The following SYT6 variants were observed in gnomAD, a reference collection of about 807,000 sequenced individuals.
SYT6 encodes synaptotagmin-6.
Under a neutral mutation model 38.4 loss-of-function variants are expected in SYT6, and 24 were observed. That is an observed-to-expected ratio of 0.62 (90% CI 0.45 to 0.88). SYT6 has a LOEUF of 0.88. SYT6 is among the 40% of genes least tolerant of loss of function. SYT6 has a pLI of 0.00. For missense variants in SYT6, 611 were observed against 621.0 expected (o/e 0.98, Z 0.17); for synonymous variants, 265 against 241.9 (o/e 1.10, Z -0.89).
chr1:114,117,895 C>T (rs958847146), intron 3 of SYT6, among the ~76,000 whole-genome samples: 2 of 152,170 alleles, frequency 1.3e-5, no homozygotes, highest in African/African-American at 4.8e-5. Flanking sequence ...TAGGGTGAAC[C>T]GTGAAGCCCA....
chr1:114,131,855 G>A (rs191697681), intron 3 of SYT6, among the ~76,000 whole-genome samples: 220 of 152,312 alleles, frequency 1.4e-3, no homozygotes, highest in African/African-American at 4.7e-3. Flanking sequence ...GAAATGACCA[G>A]ATTTTGAGAT....
Position 114,099,160 on chromosome 1 carries a change from A to G in SYT6, c.1298T>C (p.Ile433Thr). The change falls in exon 5 of 8, where the codon ATC becomes ACC. Residue 433 changes from isoleucine (I) to threonine (T), a missense_variant. Coordinates refer to ENST00000610222, the MANE Select transcript of SYT6 (RefSeq NM_001253772.2). ...TLNPVYNEAI[I>T]FDIPPENMDQ... ...CATGTTTTCCGGGGGAATGTCAAAG[A>G]TGATGGCCTCATTGTAGACAGGATT... 1.2e-6 allele frequency: 2 copies of G among 1,614,190 alleles called. No individual in the cohort carries two copies. Among genetic ancestry groups the G allele is most frequent in the South Asian group, 2.2e-5 (2 of 91,068 alleles).
intron 3 of SYT6, among the ~76,000 whole-genome samples, chr1:114,126,122 C>CA (rs1287111220): frequency 6.7e-6 from 1 of 150,204 alleles, no homozygotes; most frequent in African/African-American, 2.5e-5. Flanking sequence ...GGCTGGGTCT[C>CA]ATGAGACCTG....
chr1:114,103,199 C>G (rs541075733), intron 4 of SYT6, among the ~76,000 whole-genome samples: 14 of 146,598 alleles, frequency 9.5e-5, no homozygotes, highest in Non-Finnish European at 1.9e-4. Context: ...ACGACATAAC[C>G]CTGGGGCCTC....
intron 3 of SYT6, among the ~76,000 whole-genome samples, chr1:114,121,963 G>A (rs1250096577): frequency 2.0e-5 from 3 of 152,216 alleles, no homozygotes; most frequent in Non-Finnish European, 2.9e-5. Flanking sequence ...GGGGGAAAGC[G>A]AGAGGTGAAG....
intron 3 of SYT6, among the ~76,000 whole-genome samples, chr1:114,120,427 G>A (rs892599141): frequency 2.6e-5 from 4 of 152,166 alleles, no homozygotes; most frequent in Admixed American, 6.5e-5. Flanking sequence ...AGGGCAGGGC[G>A]TGCACATTGT....
At chr1:114,116,842 C>T (rs1677027667) in intron 3 of SYT6, among the ~76,000 whole-genome samples, 1 of 152,206 alleles carries the variant, frequency 6.6e-6, no homozygotes, top group African/African-American at 2.4e-5. Flanking sequence ...GCCTTCCCTC[C>T]TAGTTCCCAC....
intron 4 of SYT6, among the ~76,000 whole-genome samples, chr1:114,102,902 T>C (rs1676052073): frequency 6.6e-6 from 1 of 152,196 alleles, no homozygotes; most frequent in Non-Finnish European, 1.5e-5. Flanking sequence ...CTTCCACAAC[T>C]TGCAGAATTG....
At chr1:114,112,636 A>G (rs1676753825) in intron 3 of SYT6, among the ~76,000 whole-genome samples, 1 of 152,250 alleles carries the variant, frequency 6.6e-6, no homozygotes, top group Admixed American at 6.5e-5. Flanking sequence ...TGGTCAAGCC[A>G]GGAAGTCTGT....
At chr1:114,100,812 G>C (rs1166517049) in intron 4 of SYT6, among the ~76,000 whole-genome samples, 1 of 152,170 alleles carries the variant, frequency 6.6e-6, no homozygotes, top group African/African-American at 2.4e-5. Flanking sequence ...CCCAATACCT[G>C]TCTTTAACAC....
intron 3 of SYT6, among the ~76,000 whole-genome samples, chr1:114,135,824 A>T (rs1678446489): frequency 6.6e-6 from 1 of 152,204 alleles, no homozygotes; most frequent in Non-Finnish European, 1.5e-5. Context: ...CCTGGGTGGC[A>T]ACCTCACTGT....
chr1:114,121,771 A>G (rs1677414843), intron 3 of SYT6, among the ~76,000 whole-genome samples: 1 of 152,200 alleles, frequency 6.6e-6, no homozygotes, highest in African/African-American at 2.4e-5. Flanking sequence ...ATATCTTCCT[A>G]TATTGAGGTT....
intron 1 of SYT6, among the ~76,000 whole-genome samples, chr1:114,146,661 T>C (rs1679172279): frequency 1.3e-5 from 2 of 152,186 alleles, no homozygotes; most frequent in South Asian, 4.1e-4. Context: ...AGCCCAGCAC[T>C]GAAAAAGAGA....
intron 3 of SYT6, among the ~76,000 whole-genome samples, chr1:114,120,658 T>C (rs1429281439): frequency 6.6e-6 from 1 of 152,246 alleles, no homozygotes; most frequent in Non-Finnish European, 1.5e-5. Flanking sequence ...CTTAATTTTC[T>C]CTATCTACAG....
At chr1:114,145,276 T>C (rs1460003908) in intron 1 of SYT6, among the ~76,000 whole-genome samples, 2 of 152,258 alleles carry the variant, frequency 1.3e-5, no homozygotes, top group Non-Finnish European at 2.9e-5. Context: ...CAAAGAGCTT[T>C]ATATCTATTC....
intron 4 of SYT6, among the ~76,000 whole-genome samples, chr1:114,099,911 C>T (rs12240251): frequency 0.014 from 2,138 of 152,180 alleles, 71 homozygotes; most frequent in African/African-American, 0.049. Context: ...TCTCTGCTTC[C>T]CTGGAAGCCA....
chr1:114,124,740 C>A (rs1212593157), intron 3 of SYT6, among the ~76,000 whole-genome samples: 1 of 152,150 alleles, frequency 6.6e-6, no homozygotes, highest in Non-Finnish European at 1.5e-5. Context: ...TCTCCCCAAC[C>A]CAGGAAGAGG....
intron 1 of SYT6, among the ~76,000 whole-genome samples, chr1:114,150,529 A>G (rs1679391253): frequency 6.6e-6 from 1 of 152,226 alleles, no homozygotes; most frequent in Non-Finnish European, 1.5e-5. Context: ...CCCGGCTGCC[A>G]GCCTAAGAAA....
intron 3 of SYT6, among the ~76,000 whole-genome samples, chr1:114,128,275 C>T (rs1677863118): frequency 6.6e-6 from 1 of 152,186 alleles, no homozygotes; most frequent in Non-Finnish European, 1.5e-5. Context: ...ATGCGGGAGT[C>T]CAGACACTTG....
Sources: allele counts gnomAD v4.1 joint callset (sites outside exome capture counted in the v4.1 genomes callset), GRCh38; gene constraint gnomAD v4.1.1; transcripts MANE v1.5; gene names NCBI Gene and HGNC (gene_info 2026-07-23, HGNC 2026-07-21).